ULK4: variants seen among roughly 807,000 people sequenced by gnomAD.
ULK4 encodes the protein inactive serine/threonine-protein kinase ULK4.
Under a neutral mutation model 160.6 loss-of-function variants are expected in ULK4, and 133 were observed. The observed-to-expected ratio is 0.83, with a 90% CI of 0.72 to 0.96. The LOEUF is 0.96. Ranked by LOEUF, ULK4 falls within the 40% of genes least tolerant of loss-of-function variation. ULK4 has a pLI of 0.00. For missense variants in ULK4, 1,580 were observed against 1,499.5 expected, an observed-to-expected ratio of 1.05 and a Z score of -0.89; for synonymous variants, 534 against 539.8, an observed-to-expected ratio of 0.99 and a Z score of 0.15.
intron 32 of ULK4, among the ~76,000 whole-genome samples, chr3:41,559,998 T>G (rs190349240): frequency 6.6e-6 from 1 of 152,368 alleles, no homozygotes; most frequent in Admixed American, 6.5e-5. Flanking sequence ...TTTATGGTTT[T>G]AAGTCTAACA....
At chr3:41,317,063 A>AT (rs1164870603) in intron 35 of ULK4, among the ~76,000 whole-genome samples, 2,013 of 94,318 alleles carry the variant, frequency 0.021, 207 homozygotes, top group Middle Eastern at 0.06. Flanking sequence ...AATTACATCT[A>AT]TTTTTTTTTT....
chr3:41,615,733 A>G lies in ULK4; in HGVS notation c.3072-16T>C. On this transcript the variant is annotated splice_polypyrimidine_tract_variant and intron_variant, in intron 30 of 36. Coordinates refer to ENST00000301831, the MANE Select transcript of ULK4 (RefSeq NM_017886.4). The stretch of plus-strand genomic sequence containing the variant: ...TTCCACAAGTCTGTTAAAAACAAGA[A>G]AAAAAGATAAGTGCACATTAGACAA... 2 of 1,609,954 alleles carry G rather than the reference A, an allele frequency of 1.2e-6. No homozygotes were observed. The highest frequency in any genetic ancestry group is 1.7e-6 in the Non-Finnish European group (2 of 1,177,606).
Position 41,644,002 on chromosome 3 carries a change from T to C in ULK4, c.3071+19605A>G, listed in dbSNP as rs566403769. 9.8e-5 allele frequency among the ~76,000 whole-genome samples: 15 copies of C among 152,346 alleles called. 1 individual carries two copies. In the South Asian group the frequency reaches 2.9e-3, roughly 29 times the overall value. On this transcript the variant is annotated intron_variant, in intron 30 of 36. Transcript: ENST00000301831. ...GATTTGGCTCTCTGTTTGTCTGTTA[T>C]TGGTGTATAAGAATGCTTGTGATTG...
At chr3:41,328,283 C>T (rs972899932) in intron 35 of ULK4, among the ~76,000 whole-genome samples, 1 of 152,170 alleles carries the variant, frequency 6.6e-6, no homozygotes, top group African/African-American at 2.4e-5. Flanking sequence ...ACCCTGGCAT[C>T]ATCAATAGAA....
intron 32 of ULK4, among the ~76,000 whole-genome samples, chr3:41,510,398 T>A (rs906249508): frequency 6.6e-6 from 1 of 152,048 alleles, no homozygotes; most frequent in Non-Finnish European, 1.5e-5. Flanking sequence ...ATTTTAATAC[T>A]CCACTAACAG....
intron 29 of ULK4, among the ~76,000 whole-genome samples, chr3:41,664,702 T>C (rs772628069): frequency 2.0e-5 from 3 of 152,166 alleles, no homozygotes; most frequent in Non-Finnish European, 4.4e-5. Context: ...CCTAGATGTC[T>C]AGCCAATTAC....
At chr3:41,759,086 T>C (rs1330951081) in intron 21 of ULK4, among the ~76,000 whole-genome samples, 2 of 152,248 alleles carry the variant, frequency 1.3e-5, no homozygotes, top group Non-Finnish European at 2.9e-5. Context: ...TCATACTTAA[T>C]GATGACAGAC....
intron 34 of ULK4, among the ~76,000 whole-genome samples, chr3:41,424,779 C>T (rs766090179): frequency 6.4e-5 from 9 of 140,106 alleles, no homozygotes; most frequent in African/African-American, 1.1e-4. Context: ...CATCCAAAGG[C>T]GAGCAGCCTC....
intron 36 of ULK4, among the ~76,000 whole-genome samples, chr3:41,247,209 C>T (rs567378702): frequency 7.9e-4 from 121 of 152,300 alleles, no homozygotes; most frequent in African/African-American, 2.8e-3. Flanking sequence ...CTCCCAGCCC[C>T]AGCCACCACT....
chr3:41,362,260 T>C (rs2081161287), intron 35 of ULK4, among the ~76,000 whole-genome samples: 1 of 152,168 alleles, frequency 6.6e-6, no homozygotes, highest in Non-Finnish European at 1.5e-5. Context: ...AGAAAGTTAC[T>C]AGGTATGATG....
chr3:41,264,710 A>G (rs1248000600), intron 35 of ULK4, among the ~76,000 whole-genome samples: 2 of 152,228 alleles, frequency 1.3e-5, no homozygotes. Context: ...AAGGAGATGG[A>G]TTAATCGACA....
At chr3:41,942,310 G>A (rs1334078722) in intron 2 of ULK4, among the ~76,000 whole-genome samples, 1 of 152,152 alleles carries the variant, frequency 6.6e-6, no homozygotes, top group African/African-American at 2.4e-5. Flanking sequence ...CTTGAGGTCA[G>A]AAGTTTAAGA....
At chr3:41,800,108 C>G in intron 20 of ULK4, 24 bp downstream of exon 20, 1 of 1,546,418 alleles carries the variant, frequency 6.5e-7, no homozygotes, top group Non-Finnish European at 8.7e-7. Flanking sequence ...CCAGACATAT[C>G]CCCCAAAAGA....
At chr3:41,938,320 T>G (rs1348970651) in intron 2 of ULK4, 123 bp from the exon 3 acceptor site, 2 of 689,534 alleles carry the variant, frequency 2.9e-6, no homozygotes, top group Non-Finnish European at 2.4e-6. Flanking sequence ...TTGGTGGAAT[T>G]CTATACAGAC....
At position 41,712,284 on chromosome 3, in the gene ULK4, G is replaced by A. The variant is rs555772950; in HGVS notation, c.2634+2953C>T. The stretch of plus-strand genomic sequence containing the variant: ...AATGGGAAGCACAGTTCCAATCCCC[G>A]CTTCTCCAGTCTGCTCCTTAAGAAC... On this transcript the variant is annotated intron_variant, in intron 25 of 36. Coordinates refer to ENST00000301831, the MANE Select transcript of ULK4 (RefSeq NM_017886.4). 4.7e-4 allele frequency among the ~76,000 whole-genome samples: 72 copies of A among 152,132 alleles called. 2 individuals are homozygous for A. The South Asian group carries it at 0.014, about 30-fold the overall frequency.
chr3:41,569,364 G>T (rs1213965154), intron 31 of ULK4, among the ~76,000 whole-genome samples: 1 of 152,098 alleles, frequency 6.6e-6, no homozygotes, highest in African/African-American at 2.4e-5. Context: ...TACCCTAGGG[G>T]ATGCCAGCCA....
In ULK4 at chr3:41,915,978, T is replaced by A. The variant is rs755878429; in HGVS notation, c.802A>T (p.Arg268Ter). ...DGLLQRDPQK[R>*]LTWTRLLQHS... is the part of the protein sequence containing the mutation. ...AAAAGATCGAACTACTGTCCCTACC[T>A]TTTCTGAGGATCTCTTTGAAGTAAC... Residue 268 changes from arginine (R) to a stop codon, truncating the protein, a stop_gained and splice_region_variant, in exon 8 of 37, where the codon AGA becomes TGA. Transcript: ENST00000301831. LOFTEE classifies it high-confidence loss of function. 48 of 1,587,624 alleles carry A rather than the reference T, an allele frequency of 3.0e-5. No individual in the cohort carries two copies. The highest frequency in any genetic ancestry group is 3.8e-5 in the Non-Finnish European group (45 of 1,172,230).
At chr3:41,381,084 G>C (rs995413250) in intron 35 of ULK4, among the ~76,000 whole-genome samples, 1 of 152,088 alleles carries the variant, frequency 6.6e-6, no homozygotes, top group Non-Finnish European at 1.5e-5. Context: ...CTTACCTGTG[G>C]CAGTTATCTG....
At chr3:41,321,156 A>C (rs2080238078) in intron 35 of ULK4, among the ~76,000 whole-genome samples, 1 of 152,006 alleles carries the variant, frequency 6.6e-6, no homozygotes, top group Non-Finnish European at 1.5e-5. Flanking sequence ...TAACGACCTC[A>C]GGGGGCCCCT....
Sources: allele counts gnomAD v4.1 joint callset (sites outside exome capture counted in the v4.1 genomes callset), GRCh38; gene constraint gnomAD v4.1.1; transcripts MANE v1.5; gene names NCBI Gene and HGNC (gene_info 2026-07-23, HGNC 2026-07-21).